The following CORO2A variants were observed in gnomAD, a reference collection of about 807,000 sequenced individuals.
CORO2A encodes the protein coronin 2A.
CORO2A carries 47 observed loss-of-function variants against 62.4 expected under a neutral mutation model. That is an observed-to-expected ratio of 0.75 (90% CI 0.60 to 0.96). The LOEUF is 0.96. Among genes scored for constraint, CORO2A ranks in the 40% least tolerant of loss-of-function variants. The pLI is 0.00. For missense variants in CORO2A, 610 were observed against 684.1 expected (o/e 0.89, Z 1.21); for synonymous variants, 273 against 268.9 (o/e 1.02, Z -0.15).
chr9:98,161,223 G>A (rs561506480), intron 1 of CORO2A, among the ~76,000 whole-genome samples: 57 of 152,198 alleles, frequency 3.7e-4, no homozygotes, highest in East Asian at 5.8e-4. Flanking sequence ...TCAGATACCC[G>A]GACTCTGAGG....
At chr9:98,161,006 T>G (rs73498748) in intron 1 of CORO2A, among the ~76,000 whole-genome samples, 1 of 152,286 alleles carries the variant, frequency 6.6e-6, no homozygotes, top group African/African-American at 2.4e-5. Flanking sequence ...TCAGGAACCA[T>G]GTGTAGCAGA....
At chr9:98,174,121 C>T (rs984987227) in intron 1 of CORO2A, among the ~76,000 whole-genome samples, 1 of 148,798 alleles carries the variant, frequency 6.7e-6, no homozygotes. Flanking sequence ...GCCCACCCCC[C>T]ACCGCCAAAA....
chr9:98,188,217 C>T (rs59604725), intron 1 of CORO2A, among the ~76,000 whole-genome samples: 21,466 of 152,136 alleles, frequency 0.14, 1,850 homozygotes, highest in South Asian at 0.21. Context: ...CAAGCCTTTG[C>T]CTAAAAATCA....
At chr9:98,132,900 G>T in intron 5 of CORO2A, 138 bp downstream of exon 5, 1 of 951,426 alleles carries the variant, frequency 1.1e-6, no homozygotes, top group Non-Finnish European at 1.6e-6. Context: ...AATCCCGAGA[G>T]GACAGACAGG....
chr9:98,174,617 C>T (rs1828084018), intron 1 of CORO2A, among the ~76,000 whole-genome samples: 1 of 152,060 alleles, frequency 6.6e-6, no homozygotes, highest in African/African-American at 2.4e-5. Context: ...GAGGCGGTTT[C>T]CCCCAGGCTG....
chr9:98,135,097 G>C, intron 3 of CORO2A, 142 bp from the exon 4 acceptor site: 7 of 1,064,734 alleles, frequency 6.6e-6, no homozygotes, highest in South Asian at 1.7e-5. Flanking sequence ...GTGGCTATGG[G>C]CATTGAGGGG....
intron 1 of CORO2A, among the ~76,000 whole-genome samples, chr9:98,173,561 T>C (rs190444297): frequency 2.0e-5 from 3 of 152,170 alleles, no homozygotes; most frequent in East Asian, 3.9e-4. Flanking sequence ...TCTCAACATA[T>C]AAATTGCATG....
intron 1 of CORO2A, among the ~76,000 whole-genome samples, chr9:98,163,557 C>T (rs1827915467): frequency 6.6e-6 from 1 of 152,128 alleles, no homozygotes; most frequent in Admixed American, 6.5e-5. Flanking sequence ...GGATTATTTT[C>T]CCCCATTTGA....
intron 1 of CORO2A, among the ~76,000 whole-genome samples, chr9:98,175,136 C>G (rs1333745800): frequency 6.6e-6 from 1 of 152,130 alleles, no homozygotes; most frequent in African/African-American, 2.4e-5. Context: ...GATGTGACTT[C>G]AAAAGCAGGG....
intron 4 of CORO2A, among the ~76,000 whole-genome samples, chr9:98,134,344 G>A (rs1827454716): frequency 6.6e-6 from 1 of 152,274 alleles, no homozygotes; most frequent in South Asian, 2.1e-4. Flanking sequence ...GATTTTCTGG[G>A]CAGTGCCATC....
intron 3 of CORO2A, among the ~76,000 whole-genome samples, chr9:98,136,242 C>T (rs1365883232): frequency 1.3e-5 from 2 of 152,222 alleles, no homozygotes; most frequent in Admixed American, 1.3e-4. Flanking sequence ...TGATATCCTG[C>T]CAGAGGCCCT....
intron 1 of CORO2A, among the ~76,000 whole-genome samples, chr9:98,178,236 G>A (rs75635996): frequency 0.088 from 13,375 of 151,982 alleles, 887 homozygotes; most frequent in East Asian, 0.2. Flanking sequence ...TCCTTGAGGC[G>A]GGGATTTGCT....
At chr9:98,174,097 A>G (rs1170798359) in intron 1 of CORO2A, among the ~76,000 whole-genome samples, 1 of 151,666 alleles carries the variant, frequency 6.6e-6, no homozygotes, top group African/African-American at 2.4e-5. Context: ...ACGAGAGTGA[A>G]GCTCTGTTCC....
At chr9:98,186,943 A>G (rs1177083415) in intron 1 of CORO2A, among the ~76,000 whole-genome samples, 2 of 152,070 alleles carry the variant, frequency 1.3e-5, no homozygotes, top group African/African-American at 4.8e-5. Context: ...ATCTCTCTGC[A>G]CCTGTCTTCG....
At chr9:98,140,069 C>T (rs2118830822) in intron 2 of CORO2A, among the ~76,000 whole-genome samples, 1 of 152,296 alleles carries the variant, frequency 6.6e-6, no homozygotes, top group African/African-American at 2.4e-5. Context: ...TTGCACATCA[C>T]ATTGCATGGC....
At chr9:98,137,026 T>C (rs1448833864) in intron 3 of CORO2A, among the ~76,000 whole-genome samples, 1 of 152,126 alleles carries the variant, frequency 6.6e-6, no homozygotes, top group East Asian at 1.9e-4. Flanking sequence ...CACCATATTT[T>C]AGAAGTGGGT....
intron 1 of CORO2A, among the ~76,000 whole-genome samples, chr9:98,187,928 G>A (rs765439187): frequency 7.9e-5 from 12 of 152,188 alleles, no homozygotes; most frequent in Non-Finnish European, 1.3e-4. Context: ...AATAAGCCAT[G>A]TAACTTTTCT....
intron 10 of CORO2A, 33 bp downstream of exon 10, chr9:98,128,137 C>T (rs1307592907): frequency 3.2e-6 from 5 of 1,567,200 alleles, no homozygotes; most frequent in Middle Eastern, 3.4e-4. Flanking sequence ...GTTCCTGTCA[C>T]ATTTGCCTGG....
rs922757563 is a variant in CORO2A, at chr9:98,130,562, A to T, written c.870+393T>A. Among the ~76,000 whole-genome samples, 3 of 152,366 alleles carry T rather than the reference A, an allele frequency of 2.0e-5. No homozygotes were observed. In the East Asian group the frequency reaches 5.8e-4, roughly 29 times the overall value. ...CATCCAGAAGGTCTTACCATGGGGAACATTTCTGGTTGTCATAATGACTTG... is the reference window on the plus strand; with the variant it reads ...CATCCAGAAGGTCTTACCATGGGGATCATTTCTGGTTGTCATAATGACTTG... On this transcript the variant is annotated intron_variant, in intron 7 of 11. Transcript: ENST00000375077.
Sources: allele counts gnomAD v4.1 joint callset (sites outside exome capture counted in the v4.1 genomes callset), GRCh38; gene constraint gnomAD v4.1.1; transcripts MANE v1.5; gene names NCBI Gene and HGNC (gene_info 2026-07-23, HGNC 2026-07-21).